Variants in WDR5 observed in about 807,000 individuals in gnomAD.
The protein encoded by WDR5 is WD repeat domain 5, also known as WD repeat-containing protein 5.
For missense variants in WDR5, 187 were observed against 416.9 expected, an observed-to-expected ratio of 0.45 and a Z score of 4.80; for synonymous variants, 144 against 161.6, an observed-to-expected ratio of 0.89 and a Z score of 0.83.
At chr9:134,148,499 A>G (rs1293428969) in intron 8 of WDR5, among the ~76,000 whole-genome samples, 156 bp downstream of exon 8, 2 of 152,002 alleles carry the variant, frequency 1.3e-5, no homozygotes, top group African/African-American at 4.8e-5. Flanking sequence ...ATGTTAGCAG[A>G]TAGGCAGTGC....
intron 7 of WDR5, among the ~76,000 whole-genome samples, chr9:134,146,977 T>C (rs1832241232): frequency 6.6e-6 from 1 of 152,238 alleles, no homozygotes; most frequent in Admixed American, 6.5e-5. Flanking sequence ...GTACCCAGCA[T>C]GCCCAGCATA....
intron 7 of WDR5, among the ~76,000 whole-genome samples, chr9:134,146,831 T>C (rs1474974655): frequency 1.3e-5 from 2 of 152,224 alleles, no homozygotes; most frequent in Non-Finnish European, 2.9e-5. Flanking sequence ...GATGGATCAC[T>C]GTGAGTTAGA....
chr9:134,137,866 C>T (rs554564207), intron 1 of WDR5, among the ~76,000 whole-genome samples: 29 of 152,078 alleles, frequency 1.9e-4, no homozygotes, highest in African/African-American at 6.5e-4. Context: ...CCTCAGCCTC[C>T]CGAGTAGCTG....
rs564577208 is a variant in WDR5, at chr9:134,157,548, A to G, written c.905-345A>G. 1.3e-3 allele frequency among the ~76,000 whole-genome samples: 191 copies of G among 152,248 alleles called. 1 individual carries two copies. Among genetic ancestry groups the G allele is most frequent in the African/African-American group, 4.3e-3 (178 of 41,546 alleles). The stretch of plus-strand genomic sequence containing the variant: ...TCTGACTGCAGTCCTTGTGCGCGCC[A>G]GCCTCTGAGCCAGTCCTGCTGCCGC... On this transcript the variant is annotated intron_variant, in intron 13 of 13. Transcript: ENST00000358625. The surrounding 1 kb of genome is among the most constrained non-coding windows in gnomAD (Gnocchi z 5.0).
chr9:134,155,681 C>T lies in WDR5; in HGVS notation c.742-12C>T, dbSNP rs763789364. 4 of 1,613,808 alleles carry T rather than the reference C, an allele frequency of 2.5e-6. No individual in the cohort carries two copies. The highest frequency in any genetic ancestry group is 4.5e-5 in the East Asian group (2 of 44,874). On this transcript the variant is annotated splice_polypyrimidine_tract_variant and intron_variant, in intron 11 of 13. Transcript: ENST00000358625. ...CATGACTCTGTGACCAGCCTGTCCC[C>T]TCCTGTTTCAGTGCCTGAAGACGTA...
intron 7 of WDR5, among the ~76,000 whole-genome samples, chr9:134,144,957 AG>A (rs1832094850): frequency 6.6e-6 from 1 of 152,110 alleles, no homozygotes; most frequent in Non-Finnish European, 1.5e-5. Context: ...TTGCTTTTTT[AG>A]GTGCATATTT....
At chr9:134,139,080 C>T (rs946486065) in intron 1 of WDR5, among the ~76,000 whole-genome samples, 1 of 152,118 alleles carries the variant, frequency 6.6e-6, no homozygotes, top group Admixed American at 6.5e-5. Flanking sequence ...TTTTTTCGTT[C>T]CCCTGCAGTG....
intron 1 of WDR5, among the ~76,000 whole-genome samples, chr9:134,138,555 C>T (rs1052696716): frequency 1.3e-5 from 2 of 152,188 alleles, no homozygotes; most frequent in African/African-American, 4.8e-5. Flanking sequence ...CCCTGGGCAG[C>T]GCTACAGGGC....
rs1832796478 is a variant in WDR5 at position 134,157,448 on chromosome 9, G to A, written c.905-445G>A. 6.6e-6 allele frequency among the ~76,000 whole-genome samples: 1 copy of A among 152,154 alleles called. No homozygotes were observed. Among genetic ancestry groups the A allele is most frequent in the Admixed American group, 6.5e-5 (1 of 15,274 alleles). On this transcript the variant is annotated intron_variant, in intron 13 of 13. Coordinates refer to ENST00000358625, the MANE Select transcript of WDR5 (RefSeq NM_017588.3). The surrounding 1 kb of genome is among the most constrained non-coding windows in gnomAD (Gnocchi z 5.0). Reference sequence around the variant, plus strand: ...GCTCTGGGGCTTAGCATTGGGGGGAGGCGGTGGGAGTGGGCGGCTCAGGGT... The same window carrying A: ...GCTCTGGGGCTTAGCATTGGGGGGAAGCGGTGGGAGTGGGCGGCTCAGGGT...
Position 134,158,293 on chromosome 9 carries a change from C to A in WDR5, c.*300C>A. The A allele has an allele frequency of 4.2e-6, 1 of 238,732 alleles. No homozygotes were observed. Among genetic ancestry groups the A allele is most frequent in the East Asian group, 9.4e-5 (1 of 10,588 alleles). 14.8% of individuals were successfully genotyped at this position (238,732 alleles called of 1,614,324 possible). ...TTTTTTATTACAGAAGGGTGAAGTT[C>A]AATTTAACATGCGTTGTGTTTTTTC... On this transcript the variant is annotated 3_prime_UTR_variant, in exon 14 of 14. Coordinates refer to ENST00000358625, the MANE Select transcript of WDR5 (RefSeq NM_017588.3).
intron 12 of WDR5, among the ~76,000 whole-genome samples, 158 bp from the exon 13 acceptor site, chr9:134,156,348 G>A (rs913882210): frequency 1.3e-5 from 2 of 152,174 alleles, no homozygotes; most frequent in Non-Finnish European, 2.9e-5. Context: ...CCTCAGGCCT[G>A]GCTGGAGGGC....
chr9:134,155,440 G>C lies in WDR5; in HGVS notation c.741+67G>C, dbSNP rs542274427. ...TGGGTCATGGCCTCTGGTGGGGACA[G>C]AGCTGGCCCCGGTGATGACAAAGGA... On this transcript the variant is annotated intron_variant, in intron 11 of 13. Transcript: ENST00000358625. The C allele has an allele frequency of 9.1e-6, 14 of 1,531,508 alleles. No individual in the cohort carries two copies. In the African/African-American group the frequency reaches 1.8e-4, roughly 20 times the overall value. 94.9% of individuals were successfully genotyped at this position (1,531,508 alleles called of 1,614,324 possible).
At position 134,154,788 on chromosome 9, in the gene WDR5, G is replaced by A. The variant is rs556647986; in HGVS notation, c.707+247G>A. Among the ~76,000 whole-genome samples the A allele has an allele frequency of 5.9e-4, 90 of 152,246 alleles. 1 individual carries two copies. Among genetic ancestry groups the A allele is most frequent in the Non-Finnish European group, 2.2e-4 (15 of 68,046 alleles). ...GGGTCCGTTTTCTGGTTGAGCAACTGTGGCCAGGGCAGGCCTAGCCATCCC... is the reference window on the plus strand; with the variant it reads ...GGGTCCGTTTTCTGGTTGAGCAACTATGGCCAGGGCAGGCCTAGCCATCCC... On this transcript the variant is annotated intron_variant, in intron 10 of 13. Transcript: ENST00000358625.
In WDR5 at chr9:134,148,515, C is replaced by T. The variant is rs560470330; in HGVS notation, c.584+172C>T. Among the ~76,000 whole-genome samples, 47 of 150,598 alleles carry T rather than the reference C, an allele frequency of 3.1e-4. 1 individual carries two copies. Among genetic ancestry groups the T allele is most frequent in the Non-Finnish European group, 5.6e-4 (38 of 67,654 alleles). On this transcript the variant is annotated intron_variant, in intron 8 of 13. Coordinates refer to ENST00000358625, the MANE Select transcript of WDR5 (RefSeq NM_017588.3). ...TGTTAGCAGATAGGCAGTGCAGTTT[C>T]GGGGTTGGCAGCACAGGTGGTGGGG...
At chr9:134,137,309 G>A (rs1174225721) in intron 1 of WDR5, among the ~76,000 whole-genome samples, 1 of 152,114 alleles carries the variant, frequency 6.6e-6, no homozygotes, top group Non-Finnish European at 1.5e-5. Flanking sequence ...CTTGGCCCCC[G>A]CTTTCCTCAA....
chr9:134,153,551 G>GT (rs1419940382), intron 9 of WDR5, among the ~76,000 whole-genome samples: 1 of 152,250 alleles, frequency 6.6e-6, no homozygotes, highest in African/African-American at 2.4e-5. Flanking sequence ...GCCTGGCGGT[G>GT]TGACGTGGTG....
At chr9:134,148,449 C>T (rs894143993) in intron 8 of WDR5, 106 bp downstream of exon 8, 4 of 1,009,252 alleles carry the variant, frequency 4.0e-6, no homozygotes, top group Non-Finnish European at 5.9e-6. Context: ...AGACCCAAGT[C>T]CTTAATTTCC....
chr9:134,136,587 C>T (rs1564185538), intron 1 of WDR5, among the ~76,000 whole-genome samples: 1 of 152,156 alleles, frequency 6.6e-6, no homozygotes, highest in Non-Finnish European at 1.5e-5. Context: ...AGTCCCTGGA[C>T]GAGGTGCGCT....
intron 11 of WDR5, 24 bp from the exon 12 acceptor site, chr9:134,155,669 C>G (rs375745614): frequency 1.9e-5 from 31 of 1,611,180 alleles, no homozygotes; most frequent in Non-Finnish European, 2.6e-5. Flanking sequence ...GACTCTGTGA[C>G]CAGCCTGTCC....
Sources: allele counts gnomAD v4.1 joint callset (sites outside exome capture counted in the v4.1 genomes callset), GRCh38; gene constraint gnomAD v4.1.1; non-coding constraint Gnocchi (gnomAD v3.1); transcripts MANE v1.5; gene names NCBI Gene and HGNC (gene_info 2026-07-23, HGNC 2026-07-21).